The following PIDD1 variants were observed in gnomAD, a reference collection of about 807,000 sequenced individuals.
PIDD1 encodes the protein p53-induced death domain protein 1, also known as p53-induced death domain-containing protein 1.
PIDD1 carries 72 observed loss-of-function variants against 80.0 expected under a neutral mutation model. The observed-to-expected ratio is 0.90, with a 90% CI of 0.74 to 1.09. PIDD1 has a LOEUF of 1.09. PIDD1 is among the 50% of genes least tolerant of loss of function. The pLI is 0.00. For synonymous variants in PIDD1, 655 were observed against 543.5 expected, an observed-to-expected ratio of 1.21 and a Z score of -2.85; for missense variants, 1,329 against 1,228.3, an observed-to-expected ratio of 1.08 and a Z score of -1.23.
At chr11:805,534 G>C, upstream of PIDD1, 1 of 861,808 alleles carries the variant, frequency 1.2e-6, no homozygotes, top group Non-Finnish European at 1.4e-6. Context: ...CGGGGCCCCG[G>C]GCCGCTCCGA....
Position 803,567 on chromosome 11 carries a change from G to C in PIDD1, c.316C>G (p.Leu106Val). Residue 106 changes from leucine to valine, a missense_variant, in exon 3 of 16, where the codon CTG (leucine) becomes GTG (valine). By Grantham distance (32) the Leu-to-Val change is conservative. Coordinates refer to ENST00000347755, the MANE Select transcript of PIDD1 (RefSeq NM_145886.4). Reference sequence around the variant, plus strand: ...AGGGCACCCCGGAGACAGGCACCCAGTGTGTCCCGGCGTTGCCCTCCTGGG... The same window carrying C: ...AGGGCACCCCGGAGACAGGCACCCACTGTGTCCCGGCGTTGCCCTCCTGGG... ...VLKGGQRRDT[L>V]GACLRGALTN... is the part of the protein sequence containing the mutation. 5.0e-6 allele frequency: 8 copies of C among 1,610,952 alleles called. No homozygotes were observed. The highest frequency in any genetic ancestry group is 6.8e-6 in the Non-Finnish European group (8 of 1,178,668).
At position 799,494 on chromosome 11, in the gene PIDD1, GC is replaced by G; in HGVS notation, c.2545del (p.Ala849LeufsTer95). 2 of 1,607,768 alleles carry G rather than the reference GC, an allele frequency of 1.2e-6. No individual in the cohort carries two copies. On this transcript the variant is annotated frameshift_variant, in exon 16 of 16. Transcript: ENST00000347755. LOFTEE classifies it low-confidence loss of function (END_TRUNC). The stretch of plus-strand genomic sequence containing the variant: ...CAGGGCCTGCACCAGGAGCCCCACA[GC>G]CCCTGGCTGCCCAGCCTGGCGCTCA... ...WAERQAGQPG[A>X]VGLLVQALEQ...
chr11:802,116 C>T (rs576987535), intron 6 of PIDD1, 26 bp from the exon 7 acceptor site: 2 of 1,566,810 alleles, frequency 1.3e-6, no homozygotes, highest in Non-Finnish European at 1.7e-6. Flanking sequence ...GGTGTGAGCA[C>T]TGGAGCCATG....
At chr11:807,443 C>CA (rs1865836376), upstream of PIDD1, among the ~76,000 whole-genome samples, 1 of 151,436 alleles carries the variant, frequency 6.6e-6, no homozygotes, top group Non-Finnish European at 1.5e-5. Flanking sequence ...TGCGCCACTG[C>CA]ACTCCAGCCT....
Position 801,200 on chromosome 11 carries a change from C to T in PIDD1, c.1630+18G>A, listed in dbSNP as rs770696955. 1.9e-6 allele frequency: 3 copies of T among 1,546,226 alleles called. No individual in the cohort carries two copies. The highest frequency in any genetic ancestry group is 1.7e-6 in the Non-Finnish European group (2 of 1,143,764). On this transcript the variant is annotated intron_variant, in intron 9 of 15. Transcript: ENST00000347755. ...CCTATGGCCACAGGTCCAGGTATGC[C>T]CCATGGCTGCCTCTCACCTGTGATG...
chr11:800,934 A>G (rs751360740), intron 10 of PIDD1, 22 bp from the exon 11 acceptor site: 3 of 1,587,678 alleles, frequency 1.9e-6, no homozygotes, highest in Non-Finnish European at 2.6e-6. Context: ...GGGGGTGAGG[A>G]GGGCTGTACA....
chr11:805,240 G>T, upstream of PIDD1: 3 of 982,634 alleles, frequency 3.1e-6, no homozygotes, highest in Non-Finnish European at 2.4e-6. Flanking sequence ...CTGGGATCCC[G>T]CCGGCGCGTT....
At chr11:806,609 G>A (rs1251486502), upstream of PIDD1, among the ~76,000 whole-genome samples, 7 of 150,302 alleles carry the variant, frequency 4.7e-5, no homozygotes, top group African/African-American at 1.7e-4. Context: ...TTGAGATGGA[G>A]TCTGGCTGTG....
Position 802,436 on chromosome 11 carries a change from G to A in PIDD1, c.975-40C>T, listed in dbSNP as rs1214806914. The A allele has an allele frequency of 5.6e-6, 9 of 1,600,872 alleles. No homozygotes were observed. In the East Asian group the frequency reaches 6.7e-5, roughly 12 times the overall value. ...AGCGAGCAACAGGTTAGACCCAGAAGGGCCTACGTGTTGGAGCCTGGACCC... is the reference window on the plus strand; with the variant it reads ...AGCGAGCAACAGGTTAGACCCAGAAAGGCCTACGTGTTGGAGCCTGGACCC... On this transcript the variant is annotated intron_variant, in intron 5 of 15. Coordinates refer to ENST00000347755, the MANE Select transcript of PIDD1 (RefSeq NM_145886.4).
At chr11:800,277 GT>G (rs754609655) in intron 13 of PIDD1, 33 bp from the exon 14 acceptor site, 1 of 1,612,004 alleles carries the variant, frequency 6.2e-7, no homozygotes, top group South Asian at 1.1e-5. Context: ...TCGGAGTTCG[GT>G]CCTCTGCCCA....
chr11:802,096 A>T lies in PIDD1; in HGVS notation c.1177-6T>A. On this transcript the variant is annotated splice_region_variant and splice_polypyrimidine_tract_variant and intron_variant, in intron 6 of 15. Coordinates refer to ENST00000347755, the MANE Select transcript of PIDD1 (RefSeq NM_145886.4). ...AGCAGCCACAGCCCCACATCCTGCC[A>T]GACAAGGATGGTGTGAGCACTGGAG... 1 of 1,575,938 alleles carries T rather than the reference A, an allele frequency of 6.3e-7. No homozygotes were observed. The highest frequency in any genetic ancestry group is 8.6e-7 in the Non-Finnish European group (1 of 1,161,426).
rs756488162 is a variant in PIDD1 at position 799,259 on chromosome 11, T to C, written c.*48A>G. On this transcript the variant is annotated 3_prime_UTR_variant, in exon 16 of 16. Transcript: ENST00000347755. ...TGGAGAGACTTGAAGGTGGGGGCTC[T>C]GCCCATCCACTGGGGAATATCTGGG... 58 of 1,514,984 alleles carry C rather than the reference T, an allele frequency of 3.8e-5. No homozygotes were observed. Among genetic ancestry groups the C allele is most frequent in the Non-Finnish European group, 5.1e-5 (58 of 1,131,882 alleles). The allele number at this position is 1,514,984 out of a possible 1,614,324, so 93.8% of individuals were successfully genotyped here. A position where few individuals can be genotyped will look rare whatever the true frequency, so the allele number is the denominator to read the frequency against.
chr11:803,941 T>A, intron 2 of PIDD1, 153 bp downstream of exon 2: 1 of 859,760 alleles, frequency 1.2e-6, no homozygotes. Context: ...GCGATGGGGC[T>A]GGACAGGACC....
chr11:807,343 G>C (rs1272126703), upstream of PIDD1, among the ~76,000 whole-genome samples: 1 of 150,996 alleles, frequency 6.6e-6, no homozygotes, highest in Non-Finnish European at 1.5e-5. Flanking sequence ...GCTGGGCGTG[G>C]TGGCGGGCGC....
At chr11:807,458 T>G (rs185523098), upstream of PIDD1, among the ~76,000 whole-genome samples, 24 of 147,320 alleles carry the variant, frequency 1.6e-4, no homozygotes, top group East Asian at 4.7e-3. Context: ...CAGCCTGGGC[T>G]ACAGAGCAAT....
chr11:800,602 T>G lies in PIDD1; in HGVS notation c.1982A>C (p.Glu661Ala), dbSNP rs772174050. 1 of 1,598,496 alleles carries G rather than the reference T, an allele frequency of 6.3e-7. No homozygotes were observed. The highest frequency in any genetic ancestry group is 1.7e-5 in the Admixed American group (1 of 59,340). ...YRGPEPSDTV[E>A]MFEGEEFFAA... The stretch of plus-strand genomic sequence containing the variant: ...AAAGAACTCTTCGCCCTCGAACATC[T>G]CCACCGTGTCAGAGGGCTCGGGGCC... Residue 661 changes from glutamate (E) to alanine (A), a missense_variant, in exon 12 of 16, where the codon GAG (glutamate) becomes GCG (alanine). Physicochemically the swap from Glu to Ala is moderately radical, Grantham distance 107. Coordinates refer to ENST00000347755, the MANE Select transcript of PIDD1 (RefSeq NM_145886.4).
upstream of PIDD1, among the ~76,000 whole-genome samples, chr11:807,919 T>C (rs541977387): frequency 3.3e-4 from 50 of 152,334 alleles, no homozygotes; most frequent in Non-Finnish European, 5.0e-4. Context: ...AAATTTGTCT[T>C]AGCATCTACC....
At position 799,500 on chromosome 11, in the gene PIDD1, G is replaced by A. The variant is rs1326907349; in HGVS notation, c.2540C>T (p.Pro847Leu). 1.9e-6 allele frequency: 3 copies of A among 1,607,688 alleles called. No homozygotes were observed. The highest frequency in any genetic ancestry group is 2.2e-5 in the South Asian group (2 of 91,072). Residue 847 changes from proline to leucine, a missense_variant, in exon 16 of 16, where the codon CCA becomes CTA. Transcript: ENST00000347755. ...CTGCACCAGGAGCCCCACAGCCCCT[G>A]GCTGCCCAGCCTGGCGCTCAGCCCA... ...FSWAERQAGQ[P>L]GAVGLLVQAL...
chr11:804,040 A>AGAGGCAGGGCAGAGCGAGAGATG, intron 2 of PIDD1, 54 bp downstream of exon 2: 1 of 1,533,914 alleles, frequency 6.5e-7, no homozygotes, highest in South Asian at 1.3e-5. Flanking sequence ...AACATGCAGC[A>AGAGGCAGGGCAGAGCGAGAGATG]GAGGCAGGGC....
Sources: allele counts gnomAD v4.1 joint callset (sites outside exome capture counted in the v4.1 genomes callset), GRCh38; gene constraint gnomAD v4.1.1; transcripts MANE v1.5; gene names NCBI Gene and HGNC (gene_info 2026-07-23, HGNC 2026-07-21).